The following RNF111 variants were observed in gnomAD, a reference collection of about 807,000 sequenced individuals.
RNF111 encodes ring finger protein 111, also known as E3 ubiquitin-protein ligase Arkadia.
A neutral mutation model predicts 95.1 loss-of-function variants in RNF111; 17 were observed. The observed-to-expected ratio is 0.18, with a 90% confidence interval of 0.12 to 0.27. The LOEUF (loss-of-function observed/expected upper bound fraction) is 0.27. Among genes scored for constraint, RNF111 ranks in the 10% least tolerant of loss-of-function variants. RNF111 has a pLI of 1.00. For synonymous variants in RNF111, 440 were observed against 414.8 expected (o/e 1.06, Z -0.74); for missense variants, 1,189 against 1,210.4 (o/e 0.98, Z 0.26).
chr15:59,094,963 C>A lies in RNF111; in HGVS notation c.*63C>A. ...CATCCTTCCTGGTACTGCAGTCAAC[C>A]AAAGATGGCATGACTTACCTGCGCA... On this transcript the variant is annotated 3_prime_UTR_variant, in exon 14 of 14. Transcript: ENST00000348370. 1 of 963,476 alleles carries A rather than the reference C, an allele frequency of 1.0e-6. No homozygotes were observed. Among genetic ancestry groups the A allele is most frequent in the African/African-American group, 1.6e-5 (1 of 62,118 alleles). 59.7% of individuals were successfully genotyped at this position (963,476 alleles called of 1,614,324 possible).
intron 2 of RNF111, among the ~76,000 whole-genome samples, chr15:59,033,916 A>G (rs1158834139): frequency 6.6e-6 from 1 of 152,214 alleles, no homozygotes; most frequent in African/African-American, 2.4e-5. Context: ...TTTCTGGACA[A>G]GTGATTTGCT....
At chr15:59,050,791 T>A (rs1312098124) in intron 2 of RNF111, among the ~76,000 whole-genome samples, 1 of 152,220 alleles carries the variant, frequency 6.6e-6, no homozygotes, top group African/African-American at 2.4e-5. Flanking sequence ...ACTTAATGTG[T>A]TATACCCTTT....
chr15:59,082,386 A>G (rs149337155), intron 8 of RNF111, among the ~76,000 whole-genome samples: 164 of 152,372 alleles, frequency 1.1e-3, no homozygotes, highest in African/African-American at 3.6e-3. Context: ...TAAGATCTAA[A>G]GATATCAAAG....
intron 1 of RNF111, among the ~76,000 whole-genome samples, chr15:59,015,875 C>T (rs575532865): frequency 7.9e-5 from 12 of 151,932 alleles, no homozygotes; most frequent in African/African-American, 2.2e-4. Context: ...TTTATTTATT[C>T]GAGACAGGTT....
At chr15:59,069,566 C>G (rs1257638834) in intron 6 of RNF111, among the ~76,000 whole-genome samples, 1 of 152,054 alleles carries the variant, frequency 6.6e-6, no homozygotes, top group South Asian at 2.1e-4. Context: ...AAATATAACT[C>G]GTTTACCCAC....
intron 7 of RNF111, among the ~76,000 whole-genome samples, chr15:59,080,275 C>T (rs1395248071): frequency 2.0e-5 from 3 of 152,020 alleles, no homozygotes; most frequent in Non-Finnish European, 4.4e-5. Context: ...TGTGCATCAC[C>T]ATGCCTGGAT....
chr15:59,024,454 G>A (rs2040501299), intron 1 of RNF111, among the ~76,000 whole-genome samples: 1 of 51,726 alleles, frequency 1.9e-5, no homozygotes, highest in Non-Finnish European at 4.5e-5. Flanking sequence ...AGGCTAGCAA[G>A]ATCTTTTCAG....
At chr15:59,032,216 G>T (rs953366270) in intron 2 of RNF111, among the ~76,000 whole-genome samples, 1 of 152,162 alleles carries the variant, frequency 6.6e-6, no homozygotes, top group South Asian at 2.1e-4. Flanking sequence ...TGGGATTACA[G>T]GCATGAGCCA....
chr15:59,077,983 T>G (rs1475319308), intron 7 of RNF111, among the ~76,000 whole-genome samples: 1 of 152,252 alleles, frequency 6.6e-6, no homozygotes, highest in African/African-American at 2.4e-5. Flanking sequence ...GTGTGAAACA[T>G]GTGGTTCTTA....
intron 11 of RNF111, among the ~76,000 whole-genome samples, chr15:59,090,060 G>A (rs535948150): frequency 1.6e-4 from 24 of 152,192 alleles, no homozygotes; most frequent in African/African-American, 5.5e-4. Flanking sequence ...GGTGGGGAAC[G>A]GAATGTTTTT....
At position 59,094,922 on chromosome 15, in the gene RNF111, C is replaced by G; in HGVS notation, c.*22C>G. 7.4e-7 allele frequency: 1 copy of G among 1,348,750 alleles called. No individual in the cohort carries two copies. Among genetic ancestry groups the G allele is most frequent in the Non-Finnish European group, 1.1e-6 (1 of 938,178 alleles). The allele number at this position is 1,348,750 out of a possible 1,614,324, so 83.5% of individuals were successfully genotyped here. A position where few individuals can be genotyped will look rare whatever the true frequency, so the allele number is the denominator to read the frequency against. On this transcript the variant is annotated 3_prime_UTR_variant, in exon 14 of 14. Coordinates refer to ENST00000348370, the MANE Select transcript of RNF111 (RefSeq NM_017610.8). ...TTGACACCATGTTTCAGAACTCTTG[C>G]CCTCCCTCTCATTCCCATCCTTCCT...
At chr15:58,995,140 A>G (rs775362675) in intron 1 of RNF111, among the ~76,000 whole-genome samples, 8 of 152,222 alleles carry the variant, frequency 5.3e-5, no homozygotes, top group Non-Finnish European at 8.8e-5. Context: ...TCATCAGATC[A>G]TCCTGTTCCT....
chr15:59,087,365 G>A (rs1380378148), intron 10 of RNF111, among the ~76,000 whole-genome samples: 1 of 152,178 alleles, frequency 6.6e-6, no homozygotes, highest in Non-Finnish European at 1.5e-5. Flanking sequence ...AGAAAATACA[G>A]TTACCACTTG....
rs552139530 is a variant in RNF111 at position 59,060,307 on chromosome 15, T to TA, written c.1366+1770dup. On this transcript the variant is annotated intron_variant, in intron 5 of 13. Transcript: ENST00000348370. The stretch of plus-strand genomic sequence containing the variant: ...ATGTTATTGTATATATTTTAATTCT[T>TA]AAAAAAAAAAAAATCCTTGACATGG... Among the ~76,000 whole-genome samples, 554 of 146,036 alleles carry TA rather than the reference T, an allele frequency of 3.8e-3. 18 individuals are homozygous for TA. In the South Asian group the frequency reaches 0.071, roughly 19 times the overall value.
chr15:59,011,264 A>G (rs1359267608), intron 1 of RNF111, among the ~76,000 whole-genome samples: 4 of 152,144 alleles, frequency 2.6e-5, no homozygotes, highest in East Asian at 1.9e-4. Context: ...TTCTACTTCT[A>G]TTAAGTTTCA....
chr15:59,049,744 T>TC (rs1491206084), intron 2 of RNF111: 1 of 135,296 alleles, frequency 7.4e-6, no homozygotes, highest in Admixed American at 7.9e-5. Context: ...TTTCTTTCTT[T>TC]CTTTTTTTTT....
chr15:59,085,638 C>G, intron 9 of RNF111, 21 bp from the exon 10 acceptor site: 1 of 1,609,138 alleles, frequency 6.2e-7, no homozygotes, highest in South Asian at 1.1e-5. Flanking sequence ...GAGGATTAAA[C>G]TGTTCTCATC....
chr15:59,023,241 C>T (rs1400912124), intron 1 of RNF111, among the ~76,000 whole-genome samples: 2 of 152,062 alleles, frequency 1.3e-5, no homozygotes, highest in African/African-American at 4.8e-5. Flanking sequence ...GAGCAAGACT[C>T]AATCTCAAAG....
intron 13 of RNF111, 56 bp from the exon 14 acceptor site, chr15:59,094,727 C>G: frequency 2.1e-6 from 2 of 931,874 alleles, no homozygotes; most frequent in Non-Finnish European, 3.6e-6. Context: ...AATTTGTTAA[C>G]TACGTACAAT....
Sources: allele counts gnomAD v4.1 joint callset (sites outside exome capture counted in the v4.1 genomes callset), GRCh38; gene constraint gnomAD v4.1.1; transcripts MANE v1.5; gene names NCBI Gene and HGNC (gene_info 2026-07-23, HGNC 2026-07-21).